ST6GALNAC2: variants seen among roughly 807,000 people sequenced by gnomAD.
ST6GALNAC2 encodes the protein ST6 N-acetylgalactosaminide alpha-2,6-sialyltransferase 2, also known as alpha-N-acetylgalactosaminide alpha-2,6-sialyltransferase 2.
A neutral mutation model predicts 38.7 loss-of-function variants in ST6GALNAC2; 42 were observed. The observed-to-expected ratio is 1.09, with a 90% CI of 0.85 to 1.40. ST6GALNAC2 has a LOEUF of 1.40. Among genes scored for constraint, ST6GALNAC2 ranks in the 40% most tolerant of loss-of-function variants. The pLI is 0.00. For synonymous variants in ST6GALNAC2, 233 were observed against 209.0 expected, an observed-to-expected ratio of 1.11 and a Z score of -0.99; for missense variants, 506 against 481.7, an observed-to-expected ratio of 1.05 and a Z score of -0.47.
chr17:76,567,422 G>C lies in ST6GALNAC2; in HGVS notation c.957+31C>G, dbSNP rs750751657. 2.7e-6 allele frequency: 4 copies of C among 1,505,980 alleles called. No homozygotes were observed. The Admixed American group carries it at 6.7e-5, about 25-fold the overall frequency. The allele number at this position is 1,505,980 out of a possible 1,614,324, so 93.3% of individuals were successfully genotyped here. ...GGTTCTGTTATCCTGTGTTCTGCCG[G>C]CATGGGCTTCTGGAAGAGAAGGCCT... is the stretch of plus-strand genomic sequence containing the variant. On this transcript the variant is annotated intron_variant, in intron 8 of 8. Coordinates refer to ENST00000225276, the MANE Select transcript of ST6GALNAC2 (RefSeq NM_006456.3).
chr17:76,570,512 A>G (rs546767741), intron 6 of ST6GALNAC2, 53 bp downstream of exon 6: 109 of 1,301,368 alleles, frequency 8.4e-5, no homozygotes, highest in Admixed American at 2.1e-4. Context: ...AGATAACCAC[A>G]GTGTCCCTTG....
intron 2 of ST6GALNAC2, among the ~76,000 whole-genome samples, chr17:76,578,212 C>G (rs1421288925): frequency 6.6e-6 from 1 of 152,108 alleles, no homozygotes; most frequent in Non-Finnish European, 1.5e-5. Flanking sequence ...AAGCGGGGTA[C>G]TTAACTTCTT....
intron 2 of ST6GALNAC2, 78 bp from the exon 3 acceptor site, chr17:76,574,617 A>T: frequency 7.9e-7 from 1 of 1,259,052 alleles, no homozygotes; most frequent in Non-Finnish European, 1.1e-6. Flanking sequence ...CCTGCAGGGG[A>T]GTTGCGAGTT....
chr17:76,576,957 C>T (rs1344147383), intron 2 of ST6GALNAC2, among the ~76,000 whole-genome samples: 7 of 136,352 alleles, frequency 5.1e-5, no homozygotes, highest in Non-Finnish European at 9.4e-5. Context: ...GCAACAAGAG[C>T]GAAACTCCAT....
chr17:76,568,588 G>T, intron 7 of ST6GALNAC2, 125 bp downstream of exon 7: 2 of 875,372 alleles, frequency 2.3e-6, no homozygotes, highest in East Asian at 2.5e-5. Flanking sequence ...CACAGCACTC[G>T]GGACAGTGGA....
intron 1 of ST6GALNAC2, among the ~76,000 whole-genome samples, chr17:76,584,233 C>A (rs1351387946): frequency 5.0e-5 from 6 of 120,878 alleles, no homozygotes; most frequent in Admixed American, 8.9e-5. Flanking sequence ...TGCTGTATTG[C>A]CCAGGCTGGA....
intron 2 of ST6GALNAC2, among the ~76,000 whole-genome samples, chr17:76,575,617 G>A (rs2075407267): frequency 6.6e-6 from 1 of 152,202 alleles, no homozygotes; most frequent in Non-Finnish European, 1.5e-5. Context: ...CCAGAACTGT[G>A]ACGATTCAAT....
rs767104054 is a variant in ST6GALNAC2 at position 76,572,793 on chromosome 17, C to T, written c.531-18G>A. 6 of 1,613,804 alleles carry T rather than the reference C, an allele frequency of 3.7e-6. No homozygotes were observed. In the East Asian group the frequency reaches 1.3e-4, roughly 36 times the overall value. ...CATTGAGTCTGGTTGGCACAGAGGC[C>T]CATCAGTGTCTGCGGTTACACCAGG... is the stretch of plus-strand genomic sequence containing the variant. On this transcript the variant is annotated intron_variant, in intron 4 of 8. Coordinates refer to ENST00000225276, the MANE Select transcript of ST6GALNAC2 (RefSeq NM_006456.3).
At chr17:76,570,712 G>A in intron 5 of ST6GALNAC2, 44 bp from the exon 6 acceptor site, 2 of 1,480,072 alleles carry the variant, frequency 1.4e-6, no homozygotes, top group Non-Finnish European at 1.9e-6. Context: ...ACCAGGACAT[G>A]TTTAGCTCCT....
chr17:76,583,957 G>A (rs1326313585), intron 1 of ST6GALNAC2, among the ~76,000 whole-genome samples: 2 of 146,804 alleles, frequency 1.4e-5, no homozygotes, highest in Non-Finnish European at 3.0e-5. Context: ...ACAGGTGCCC[G>A]CCACCACGCC....
chr17:76,575,059 G>A (rs955670254), intron 2 of ST6GALNAC2, among the ~76,000 whole-genome samples: 25 of 152,168 alleles, frequency 1.6e-4, no homozygotes, highest in African/African-American at 6.0e-4. Context: ...TCCTCTCCCA[G>A]AGGCCATGTC....
intron 1 of ST6GALNAC2, among the ~76,000 whole-genome samples, chr17:76,583,341 A>C (rs1598264471): frequency 7.8e-6 from 1 of 127,918 alleles, no homozygotes; most frequent in Non-Finnish European, 1.6e-5. Context: ...GGGCCACTGC[A>C]CTCCAGCCTG....
chr17:76,568,641 TG>T, intron 7 of ST6GALNAC2, 71 bp downstream of exon 7: 2 of 1,487,942 alleles, frequency 1.3e-6, no homozygotes, highest in Non-Finnish European at 1.9e-6. Flanking sequence ...GCGAGGGCGC[TG>T]ACTGGATGTG....
At chr17:76,577,763 G>A (rs1032893974) in intron 2 of ST6GALNAC2, among the ~76,000 whole-genome samples, 5 of 151,726 alleles carry the variant, frequency 3.3e-5, no homozygotes, top group African/African-American at 1.2e-4. Flanking sequence ...AGTAGAGATG[G>A]GGTTTCACTG....
intron 1 of ST6GALNAC2, among the ~76,000 whole-genome samples, chr17:76,581,852 A>G (rs913553600): frequency 1.3e-5 from 2 of 152,012 alleles, no homozygotes; most frequent in Non-Finnish European, 2.9e-5. Context: ...CTTAGATCAT[A>G]TTCTCTTTTT....
chr17:76,572,143 G>T (rs1375251114), intron 5 of ST6GALNAC2, among the ~76,000 whole-genome samples: 1 of 152,088 alleles, frequency 6.6e-6, no homozygotes, highest in Non-Finnish European at 1.5e-5. Context: ...GGGTACACGG[G>T]TCCCACTCAG....
At chr17:76,574,675 A>T in intron 2 of ST6GALNAC2, 136 bp from the exon 3 acceptor site, 3 of 535,276 alleles carry the variant, frequency 5.6e-6, no homozygotes, top group East Asian at 4.4e-5. Context: ...CCATCCTTGC[A>T]TTTTTTTTTT....
chr17:76,573,232 G>A lies in ST6GALNAC2; in HGVS notation c.493C>T (p.Gln165Ter), dbSNP rs752116994. 1.2e-6 allele frequency: 2 copies of A among 1,613,552 alleles called. No homozygotes were observed. The highest frequency in any genetic ancestry group is 2.2e-5 in the East Asian group (1 of 44,876). Residue 165 changes from glutamine to a stop codon, truncating the protein, a stop_gained, in exon 4 of 9, where the codon CAG becomes TAG. Coordinates refer to ENST00000225276, the MANE Select transcript of ST6GALNAC2 (RefSeq NM_006456.3). LOFTEE classifies it high-confidence loss of function. This position sits in a 1 kb window ranked among gnomAD's most constrained non-coding sequence, Gnocchi z 5.1. ...TCATGGGCATCGATGTTGGGACCCT[G>A]GCGGGACCCATTCAGAATGCCTCCG... is the stretch of plus-strand genomic sequence containing the variant. The part of the protein sequence containing the change: ...GNGGILNGSR[Q>*]GPNIDAHDYV...
chr17:76,566,077 A>G lies in ST6GALNAC2; in HGVS notation c.*27T>C. ...AGAGGATCAGGGCCGCAACTCTTGA[A>G]GAAGCAAAGGGCTCAGTGCATTGGG... On this transcript the variant is annotated 3_prime_UTR_variant, in exon 9 of 9. Coordinates refer to ENST00000225276, the MANE Select transcript of ST6GALNAC2 (RefSeq NM_006456.3). The G allele has an allele frequency of 6.3e-7, 1 of 1,593,188 alleles. No homozygotes were observed. Among genetic ancestry groups the G allele is most frequent in the Middle Eastern group, 1.7e-4 (1 of 5,936 alleles).
Sources: allele counts gnomAD v4.1 joint callset (sites outside exome capture counted in the v4.1 genomes callset), GRCh38; gene constraint gnomAD v4.1.1; non-coding constraint Gnocchi (gnomAD v3.1); transcripts MANE v1.5; gene names NCBI Gene and HGNC (gene_info 2026-07-23, HGNC 2026-07-21).